Variants in TUBGCP2 observed in about 807,000 individuals in gnomAD.
TUBGCP2 encodes tubulin gamma complex component 2.
In TUBGCP2, 55 loss-of-function variants were observed where a neutral mutation model predicts 92.2. That is an observed-to-expected ratio of 0.60 (90% CI 0.48 to 0.75). The LOEUF (loss-of-function observed/expected upper bound fraction) is 0.75. Among genes scored for constraint, TUBGCP2 ranks in the 30% least tolerant of loss-of-function variants. TUBGCP2 has a pLI of 0.00. For missense variants in TUBGCP2, 1,093 were observed against 1,188.9 expected, an observed-to-expected ratio of 0.92 and a Z score of 1.19; for synonymous variants, 533 against 505.2, an observed-to-expected ratio of 1.06 and a Z score of -0.74.
intron 5 of TUBGCP2, among the ~76,000 whole-genome samples, chr10:133,294,318 G>A (rs951249577): frequency 3.5e-4 from 54 of 152,220 alleles, no homozygotes; most frequent in Admixed American, 3.4e-3. Context: ...CACAGCCTCA[G>A]GCGGGCCATG....
At chr10:133,303,098 G>T in intron 1 of TUBGCP2, 118 bp from the exon 2 acceptor site, 1 of 957,558 alleles carries the variant, frequency 1.0e-6, no homozygotes, top group Non-Finnish European at 1.5e-6. Context: ...CACCTGGCCT[G>T]CCTGGCCTAG....
rs545570780 is a variant in TUBGCP2 at position 133,307,356 on chromosome 10, C to G, written c.-40+1467G>C. On this transcript the variant is annotated intron_variant, in intron 1 of 17. Coordinates refer to ENST00000252936, the MANE Select transcript of TUBGCP2 (RefSeq NM_006659.4). The stretch of plus-strand genomic sequence containing the variant: ...CCACCACGGACAAGCGGGGCACACA[C>G]TCCTAGTGAGCACACACTCCAAGTG... 2.0e-5 allele frequency among the ~76,000 whole-genome samples: 3 copies of G among 152,376 alleles called. No homozygotes were observed. The East Asian group carries it at 5.8e-4, about 29-fold the overall frequency.
At chr10:133,309,232 G>A (rs17553746), upstream of TUBGCP2, 2 of 983,306 alleles carry the variant, frequency 2.0e-6, no homozygotes, top group Non-Finnish European at 2.7e-6. Flanking sequence ...CGGGACCTGA[G>A]GTGGTGGGGC....
chr10:133,293,066 G>A lies in TUBGCP2; in HGVS notation c.997C>T (p.Arg333Cys), dbSNP rs34832477. Residue 333 changes from arginine to cysteine, a missense_variant, in exon 7 of 18, where the codon CGC becomes TGC. Arg to Cys is a radical substitution (Grantham distance 180, BLOSUM62 -3). Transcript: ENST00000252936. ...AGGGAGGCCAGGATGTCCATGGTGC[G>A]CATGGCTGGCTGGATGTAGAACCAG... Reference protein sequence around the residue: ...KLWFYIQPAMRTMDILASLAT... With the variant: ...KLWFYIQPAMCTMDILASLAT... The A allele has an allele frequency of 3.3e-4, 529 of 1,613,468 alleles. 4 individuals carry two copies. The African/African-American group carries it at 4.5e-3, about 14-fold the overall frequency.
Position 133,290,112 on chromosome 10 carries a change from C to A in TUBGCP2, c.1215-143G>T, listed in dbSNP as rs989405236. The A allele has an allele frequency of 7.6e-6, 9 of 1,178,334 alleles. No homozygotes were observed. In the Admixed American group the frequency reaches 2.2e-4, roughly 29 times the overall value. The allele number at this position is 1,178,334 out of a possible 1,614,324, so 73.0% of individuals were successfully genotyped here. On this transcript the variant is annotated intron_variant, in intron 8 of 17. Coordinates refer to ENST00000252936, the MANE Select transcript of TUBGCP2 (RefSeq NM_006659.4). ...ACGTTCCACAAGGGCCGAGCCTAATCTACCAGTTACTTCTCAACTGTGGGC... is the reference window on the plus strand; with the variant it reads ...ACGTTCCACAAGGGCCGAGCCTAATATACCAGTTACTTCTCAACTGTGGGC...
At chr10:133,281,548 G>C (rs541639501) in intron 16 of TUBGCP2, 112 bp from the exon 17 acceptor site, 2 of 1,314,732 alleles carry the variant, frequency 1.5e-6, no homozygotes, top group South Asian at 2.9e-5. Context: ...TTCTTAAATA[G>C]AAAACATGGG....
intron 4 of TUBGCP2, among the ~76,000 whole-genome samples, 191 bp from the exon 5 acceptor site, chr10:133,298,302 C>T (rs1847539529): frequency 6.6e-6 from 1 of 152,212 alleles, no homozygotes; most frequent in East Asian, 1.9e-4. Context: ...GGGCTGGGGA[C>T]AACAGGGCAG....
rs982226025 is a variant in TUBGCP2, at chr10:133,285,928, C to T, written c.1723-300G>A. 1.3e-5 allele frequency among the ~76,000 whole-genome samples: 2 copies of T among 152,076 alleles called. No individual in the cohort carries two copies. Among genetic ancestry groups the T allele is most frequent in the African/African-American group, 2.4e-5 (1 of 41,400 alleles). ...AAGGACGGTGAAAGAAACGTGATTC[C>T]TTAGGACGAAAACCTTTGTACCATG... On this transcript the variant is annotated intron_variant, in intron 11 of 17. Transcript: ENST00000252936. This position sits in a 1 kb window ranked among gnomAD's most constrained non-coding sequence, Gnocchi z 6.8.
intron 2 of TUBGCP2, among the ~76,000 whole-genome samples, chr10:133,301,407 G>C (rs1306644873): frequency 6.6e-6 from 1 of 152,144 alleles, no homozygotes; most frequent in African/African-American, 2.4e-5. Context: ...TTACAGGTGT[G>C]AGCGACCGTG....
upstream of TUBGCP2, chr10:133,311,926 T>C (rs781545399): frequency 1.3e-5 from 21 of 1,613,122 alleles, no homozygotes; most frequent in Non-Finnish European, 1.7e-5. Flanking sequence ...CCGCAGCTCT[T>C]CTCATACTGA....
At chr10:133,296,776 G>A (rs889077878) in intron 5 of TUBGCP2, among the ~76,000 whole-genome samples, 5 of 152,098 alleles carry the variant, frequency 3.3e-5, no homozygotes, top group African/African-American at 4.8e-5. Context: ...ATGCCTGGCC[G>A]AAGTAGACTG....
chr10:133,308,574 C>T (rs1293574134), intron 1 of TUBGCP2: 2 of 160,830 alleles, frequency 1.2e-5, no homozygotes, highest in Non-Finnish European at 2.7e-5. Flanking sequence ...TGGGAGGGGA[C>T]ACCCGGGACG....
intron 15 of TUBGCP2, 39 bp downstream of exon 15, chr10:133,283,039 G>A (rs200718534): frequency 3.0e-5 from 48 of 1,609,974 alleles, no homozygotes; most frequent in East Asian, 1.8e-4. Context: ...CTGCCCACCC[G>A]CGCCTGCCCA....
At chr10:133,298,327 C>T (rs1847540412) in intron 4 of TUBGCP2, among the ~76,000 whole-genome samples, 1 of 152,102 alleles carries the variant, frequency 6.6e-6, no homozygotes, top group Admixed American at 6.6e-5. Flanking sequence ...GGAGCCCTAG[C>T]CCCTCTTCTC....
intron 7 of TUBGCP2, 119 bp downstream of exon 7, chr10:133,292,920 C>T: frequency 8.0e-7 from 1 of 1,243,674 alleles, no homozygotes; most frequent in East Asian, 2.5e-5. Flanking sequence ...GAGCTTTGGC[C>T]ACACGCCCCT....
intron 2 of TUBGCP2, chr10:133,302,434 C>A (rs965141555): frequency 4.1e-5 from 12 of 291,362 alleles, no homozygotes; most frequent in African/African-American, 2.0e-4. Flanking sequence ...CTGCACCCTG[C>A]ACCAGAGGTG....
rs1846900173 is a variant in TUBGCP2, at chr10:133,279,175, G to A, written c.*591C>T. On this transcript the variant is annotated 3_prime_UTR_variant, in exon 18 of 18. Transcript: ENST00000252936. ...CCCCTCGACCCACTCCCACGGAGGG[G>A]GAGGTGTGGGCTCCCAGGGTGCCTG... 1 of 152,608 alleles carries A rather than the reference G, an allele frequency of 6.6e-6. No individual in the cohort carries two copies. The highest frequency in any genetic ancestry group is 2.4e-5 in the African/African-American group (1 of 41,468). The allele number at this position is 152,608 out of a possible 1,614,324, so 9.5% of individuals were successfully genotyped here.
At chr10:133,304,395 A>G (rs1420838935) in intron 1 of TUBGCP2, among the ~76,000 whole-genome samples, 1 of 152,238 alleles carries the variant, frequency 6.6e-6, no homozygotes, top group Non-Finnish European at 1.5e-5. Context: ...TCATCTACAC[A>G]AGGGTTCTTA....
intron 8 of TUBGCP2, among the ~76,000 whole-genome samples, chr10:133,292,013 C>T (rs1217633174): frequency 8.6e-5 from 1 of 11,668 alleles, no homozygotes; most frequent in Non-Finnish European, 1.8e-4. Flanking sequence ...CCTCCGTGTC[C>T]CCCATGTCCC....
Sources: allele counts gnomAD v4.1 joint callset (sites outside exome capture counted in the v4.1 genomes callset), GRCh38; gene constraint gnomAD v4.1.1; non-coding constraint Gnocchi (gnomAD v3.1); transcripts MANE v1.5; gene names NCBI Gene and HGNC (gene_info 2026-07-23, HGNC 2026-07-21).